FSTL5: variants seen among roughly 807,000 people sequenced by gnomAD.
FSTL5 encodes follistatin like 5, also known as follistatin-related protein 5.
FSTL5 carries 62 observed loss-of-function variants against 89.1 expected under a neutral mutation model. The ratio of observed to expected loss-of-function variants is 0.70; its 90% confidence interval spans 0.57 to 0.86. FSTL5 has a LOEUF of 0.86. Among genes scored for constraint, FSTL5 ranks in the 40% least tolerant of loss-of-function variants. The pLI, the probability that FSTL5 is intolerant of heterozygous loss-of-function variation, is 0.00. For missense variants in FSTL5, 1,057 were observed against 1,001.6 expected (o/e 1.06, Z -0.75); for synonymous variants, 383 against 346.2 (o/e 1.11, Z -1.18).
intron 4 of FSTL5, among the ~76,000 whole-genome samples, chr4:161,861,437 AG>A (rs973154436): frequency 7.9e-5 from 12 of 151,932 alleles, no homozygotes; most frequent in African/African-American, 2.9e-4. Context: ...AGAGAGAGAG[AG>A]AGAAAGAAAG....
At chr4:162,027,304 A>T (rs1737331772) in intron 3 of FSTL5, among the ~76,000 whole-genome samples, 1 of 152,104 alleles carries the variant, frequency 6.6e-6, no homozygotes, top group Non-Finnish European at 1.5e-5. Context: ...CTTGAAAGCA[A>T]TTTAGAGAGG....
rs541113609 is a variant in FSTL5 at position 161,605,950 on chromosome 4, G to A, written c.895-18375C>T. ...CAAGCAGAGACATGGAAAAAGAAAA[G>A]TGTGCATTTCTCCTTGTTCTATTAT... On this transcript the variant is annotated intron_variant, in intron 7 of 15. Transcript: ENST00000306100. Among the ~76,000 whole-genome samples the A allele has an allele frequency of 2.6e-4, 39 of 149,510 alleles. No individual in the cohort carries two copies. In the South Asian group the frequency reaches 7.7e-3, roughly 29 times the overall value.
chr4:161,395,439 C>T (rs1054018119), intron 15 of FSTL5, among the ~76,000 whole-genome samples: 2 of 151,974 alleles, frequency 1.3e-5, no homozygotes, highest in Non-Finnish European at 2.9e-5. Flanking sequence ...CTTTCTATTG[C>T]AATTAAAAAT....
chr4:161,662,385 G>A lies in FSTL5; in HGVS notation c.728-5891C>T, dbSNP rs113200065. ...CCAATAAGATTGTAAGATGTATTAT[G>A]TTTATGAAAATAAAATTCCAGGTTA... is the stretch of plus-strand genomic sequence containing the variant. On this transcript the variant is annotated intron_variant, in intron 6 of 15. Coordinates refer to ENST00000306100, the MANE Select transcript of FSTL5 (RefSeq NM_020116.5). Among the ~76,000 whole-genome samples, 554 of 152,172 alleles carry A rather than the reference G, an allele frequency of 3.6e-3. 3 individuals are homozygous for A. The highest frequency in any genetic ancestry group is 0.012 in the African/African-American group (511 of 41,538).
At chr4:162,152,645 T>C (rs1266403521) in intron 1 of FSTL5, among the ~76,000 whole-genome samples, 2 of 152,150 alleles carry the variant, frequency 1.3e-5, no homozygotes, top group African/African-American at 2.4e-5. Context: ...AATAATGCCA[T>C]AGTGTCTGGG....
intron 3 of FSTL5, among the ~76,000 whole-genome samples, chr4:161,963,598 T>G (rs952923272): frequency 6.6e-6 from 1 of 152,022 alleles, no homozygotes; most frequent in Non-Finnish European, 1.5e-5. Flanking sequence ...TGTATGCTTC[T>G]ATGTACTCTT....
At position 161,547,198 on chromosome 4, in the gene FSTL5, C is replaced by T. The variant is rs139684797; in HGVS notation, c.1016-4505G>A. 2.3e-3 allele frequency among the ~76,000 whole-genome samples: 351 copies of T among 152,064 alleles called. 3 individuals are homozygous for T. The highest frequency in any genetic ancestry group is 0.021 in the Admixed American group (317 of 15,240). On this transcript the variant is annotated intron_variant, in intron 8 of 15. Transcript: ENST00000306100. ...TAATCTTGGAAGTAGTTATGCCAGCCGCAATCAAGCTTTCAGATGACTACA... is the reference window on the plus strand; with the variant it reads ...TAATCTTGGAAGTAGTTATGCCAGCTGCAATCAAGCTTTCAGATGACTACA...
chr4:161,730,446 T>G (rs891438370), intron 6 of FSTL5, among the ~76,000 whole-genome samples: 1 of 151,952 alleles, frequency 6.6e-6, no homozygotes, highest in Non-Finnish European at 1.5e-5. Context: ...TTATTTAACA[T>G]AGAATTATTT....
intron 8 of FSTL5, among the ~76,000 whole-genome samples, chr4:161,567,919 A>G (rs891550496): frequency 6.6e-6 from 1 of 152,036 alleles, no homozygotes; most frequent in Admixed American, 6.6e-5. Flanking sequence ...AAGTAGGAAG[A>G]GGAAAGAATC....
rs527240267 is a variant in FSTL5, at chr4:161,599,155, A to G, written c.895-11580T>C. Among the ~76,000 whole-genome samples the G allele has an allele frequency of 2.2e-4, 33 of 152,274 alleles. No homozygotes were observed. In the South Asian group the frequency reaches 6.8e-3, roughly 32 times the overall value. ...AAAATGAAGATTTGAAAAGTCATGTACTGAAAATGAAATCACAAATATCAC... is the reference window on the plus strand; with the variant it reads ...AAAATGAAGATTTGAAAAGTCATGTGCTGAAAATGAAATCACAAATATCAC... On this transcript the variant is annotated intron_variant, in intron 7 of 15. Coordinates refer to ENST00000306100, the MANE Select transcript of FSTL5 (RefSeq NM_020116.5).
At position 161,675,579 on chromosome 4, in the gene FSTL5, A is replaced by G. The variant is rs866773927; in HGVS notation, c.728-19085T>C. ...AAAAACAGAGAATTACTGTATTATC[A>G]TGAAAACATAAATTTGGATGCATTA... On this transcript the variant is annotated intron_variant, in intron 6 of 15. Transcript: ENST00000306100. 3.3e-5 allele frequency among the ~76,000 whole-genome samples: 5 copies of G among 151,768 alleles called. No homozygotes were observed. The South Asian group carries it at 1.0e-3, about 32-fold the overall frequency.
intron 1 of FSTL5, among the ~76,000 whole-genome samples, chr4:162,114,883 T>C (rs1731576753): frequency 6.6e-6 from 1 of 152,172 alleles, no homozygotes; most frequent in Non-Finnish European, 1.5e-5. Flanking sequence ...TTGATAGTCC[T>C]AAGATTTCCA....
At chr4:161,674,799 T>C (rs531143314) in intron 6 of FSTL5, among the ~76,000 whole-genome samples, 8 of 152,276 alleles carry the variant, frequency 5.3e-5, no homozygotes, top group East Asian at 1.9e-4. Context: ...ATGAAGAAGA[T>C]GCTTTTCAGT....
At chr4:161,652,830 A>T (rs1289086767) in intron 7 of FSTL5, among the ~76,000 whole-genome samples, 2 of 152,116 alleles carry the variant, frequency 1.3e-5, no homozygotes, top group East Asian at 3.9e-4. Context: ...GTCAGAAAGG[A>T]TATTGCAAAT....
intron 3 of FSTL5, among the ~76,000 whole-genome samples, chr4:162,012,891 T>C (rs535903314): frequency 8.5e-5 from 13 of 152,142 alleles, no homozygotes; most frequent in South Asian, 8.3e-4. Flanking sequence ...CTTATTAAAA[T>C]ACAACTTCTC....
At chr4:162,049,403 C>T (rs568048315) in intron 2 of FSTL5, among the ~76,000 whole-genome samples, 2 of 152,312 alleles carry the variant, frequency 1.3e-5, no homozygotes, top group South Asian at 4.1e-4. Flanking sequence ...CATATACTTG[C>T]TCACGTATTC....
intron 3 of FSTL5, among the ~76,000 whole-genome samples, chr4:162,001,858 C>G (rs1037396878): frequency 6.6e-6 from 1 of 151,940 alleles, no homozygotes; most frequent in Non-Finnish European, 1.5e-5. Context: ...TTTTTCTTTT[C>G]TTTTTCTTTA....
At chr4:161,418,536 T>G (rs1319273558) in intron 15 of FSTL5, among the ~76,000 whole-genome samples, 1 of 152,188 alleles carries the variant, frequency 6.6e-6, no homozygotes, top group Non-Finnish European at 1.5e-5. Flanking sequence ...CACTCACTAA[T>G]TCACCAAAAG....
intron 7 of FSTL5, among the ~76,000 whole-genome samples, chr4:161,604,450 T>C (rs1361882769): frequency 6.6e-6 from 1 of 152,152 alleles, no homozygotes; most frequent in Non-Finnish European, 1.5e-5. Flanking sequence ...AGTTATATAC[T>C]AAAGAGTGAA....
Sources: allele counts gnomAD v4.1 joint callset (sites outside exome capture counted in the v4.1 genomes callset), GRCh38; gene constraint gnomAD v4.1.1; transcripts MANE v1.5; gene names NCBI Gene and HGNC (gene_info 2026-07-23, HGNC 2026-07-21).